Variants in DAG1 observed in about 807,000 individuals in gnomAD.
DAG1 encodes the protein dystroglycan 1.
A neutral mutation model predicts 46.1 loss-of-function variants in DAG1; 8 were observed. That is an observed-to-expected ratio of 0.17 (90% confidence interval 0.10 to 0.31). The LOEUF is 0.31. Ranked by LOEUF, DAG1 falls within the 10% of genes least tolerant of loss-of-function variation. The pLI is 1.00. For synonymous variants in DAG1, 495 were observed against 481.8 expected, an observed-to-expected ratio of 1.03 and a Z score of -0.36; for missense variants, 1,003 against 1,189.9, an observed-to-expected ratio of 0.84 and a Z score of 2.31.
At chr3:49,525,614 G>A (rs1326459503) in intron 2 of DAG1, among the ~76,000 whole-genome samples, 3 of 150,860 alleles carry the variant, frequency 2.0e-5, no homozygotes, top group South Asian at 2.1e-4. Flanking sequence ...CTGGAGTGCC[G>A]TGGCGTGATC....
At chr3:49,496,031 T>C (rs1037576258) in intron 1 of DAG1, among the ~76,000 whole-genome samples, 2 of 152,162 alleles carry the variant, frequency 1.3e-5, no homozygotes, top group Admixed American at 6.5e-5. Context: ...TTCAGTGTCT[T>C]ACCTGGGCAC....
At chr3:49,474,028 C>G (rs2049604886) in intron 1 of DAG1, among the ~76,000 whole-genome samples, 1 of 152,014 alleles carries the variant, frequency 6.6e-6, no homozygotes, top group African/African-American at 2.4e-5. Context: ...GCTAGGACCA[C>G]AGGCGCACGC....
chr3:49,533,115 C>T lies in DAG1; in HGVS notation c.2604C>T (p.Pro868=). ...PNAPPYQPPP[P]FTAPMEGKGS... Reference sequence around the variant, plus strand: ...CGCCTCCCTACCAGCCCCCACCGCCCTTCACAGCACCCATGGAGGGCAAGG... The same window carrying T: ...CGCCTCCCTACCAGCCCCCACCGCCTTTCACAGCACCCATGGAGGGCAAGG... Residue 868 remains proline (P), a synonymous_variant, in exon 3 of 3, where the codon CCC becomes CCT. Coordinates refer to ENST00000308775, the MANE Select transcript of DAG1 (RefSeq NM_004393.6). The T allele has an allele frequency of 3.7e-6, 6 of 1,614,226 alleles. No individual in the cohort carries two copies. The highest frequency in any genetic ancestry group is 5.1e-6 in the Non-Finnish European group (6 of 1,180,048).
intron 1 of DAG1, among the ~76,000 whole-genome samples, chr3:49,495,125 C>G (rs1310551629): frequency 3.3e-5 from 5 of 152,142 alleles, no homozygotes; most frequent in Non-Finnish European, 4.4e-5. Flanking sequence ...GCCTTGACCC[C>G]CAGTAGACAC....
chr3:49,492,185 A>G (rs926143321), intron 1 of DAG1, among the ~76,000 whole-genome samples: 5 of 152,052 alleles, frequency 3.3e-5, no homozygotes, highest in African/African-American at 1.2e-4. Context: ...TTGGCCTCCT[A>G]AAGTGCTGGG....
intron 2 of DAG1, among the ~76,000 whole-genome samples, chr3:49,513,050 CAG>C (rs763297206): frequency 6.6e-6 from 1 of 152,168 alleles, no homozygotes; most frequent in East Asian, 1.9e-4. Flanking sequence ...ACCACCAAAA[CAG>C]TGGTTTAACT....
chr3:49,505,672 G>A (rs1164436757), intron 1 of DAG1, among the ~76,000 whole-genome samples: 1 of 151,804 alleles, frequency 6.6e-6, no homozygotes, highest in Non-Finnish European at 1.5e-5. Context: ...CAATCTGTAT[G>A]CCAAACTTTT....
chr3:49,497,891 C>CT (rs773970038), intron 1 of DAG1, among the ~76,000 whole-genome samples: 26 of 152,208 alleles, frequency 1.7e-4, no homozygotes, highest in Non-Finnish European at 3.5e-4. Context: ...ATGTCTGCAC[C>CT]TGGGTGGATT....
In DAG1 at chr3:49,532,026, G is replaced by A. The variant is rs745750913; in HGVS notation, c.1515G>A (p.Arg505=). 2.5e-6 allele frequency: 4 copies of A among 1,614,126 alleles called. No homozygotes were observed. In the South Asian group the frequency reaches 4.4e-5, roughly 18 times the overall value. Residue 505 remains arginine, a synonymous_variant, in exon 3 of 3, where the codon AGG becomes AGA. Transcript: ENST00000308775. This position sits in a 1 kb window ranked among gnomAD's most constrained non-coding sequence, Gnocchi z 5.4. ...QRPELKNHID[R]VDAWVGTYFE... ...CAGAGCTCAAGAACCATATTGACAG[G>A]GTAGATGCCTGGGTTGGCACCTACT...
At chr3:49,474,897 C>T (rs1274158669) in intron 1 of DAG1, among the ~76,000 whole-genome samples, 4 of 151,712 alleles carry the variant, frequency 2.6e-5, no homozygotes, top group Admixed American at 6.6e-5. Context: ...CTGCAAGCTC[C>T]GCCTCCCAGG....
At chr3:49,488,568 C>T (rs368823877) in intron 1 of DAG1, 39 of 152,066 alleles carry the variant, frequency 2.6e-4, no homozygotes, top group African/African-American at 8.9e-4. Context: ...GGGCTGAGGT[C>T]TCTCAGTTCT....
At chr3:49,515,632 T>C (rs893389698) in intron 2 of DAG1, among the ~76,000 whole-genome samples, 1 of 151,966 alleles carries the variant, frequency 6.6e-6, no homozygotes, top group Non-Finnish European at 1.5e-5. Context: ...GTGATCCTAC[T>C]GCCTCAGCCT....
chr3:49,519,771 G>A (rs2050982320), intron 2 of DAG1, among the ~76,000 whole-genome samples: 1 of 152,150 alleles, frequency 6.6e-6, no homozygotes. Context: ...AAGAGAACAT[G>A]ACAAAGTAAA....
chr3:49,502,856 C>G (rs1444387114), intron 1 of DAG1, among the ~76,000 whole-genome samples: 1 of 152,100 alleles, frequency 6.6e-6, no homozygotes, highest in African/African-American at 2.4e-5. Flanking sequence ...CCAGGCTGGT[C>G]TCGAACTTCT....
intron 1 of DAG1, among the ~76,000 whole-genome samples, chr3:49,491,004 A>G (rs1306040982): frequency 2.7e-5 from 4 of 149,336 alleles, no homozygotes; most frequent in Non-Finnish European, 4.4e-5. Context: ...TCCTGCCACA[A>G]TCTCCCTGAG....
intron 1 of DAG1, among the ~76,000 whole-genome samples, chr3:49,486,619 C>A (rs908345807): frequency 3.9e-5 from 6 of 152,102 alleles, no homozygotes; most frequent in Admixed American, 3.9e-4. Flanking sequence ...TCTCCTAACT[C>A]AGCCTCCCAA....
Position 49,504,567 on chromosome 3 carries a change from CTTTTTTTTTTTTTTTTTTTTTTTTT to C in DAG1, c.-116-5837_-116-5813del, listed in dbSNP as rs55662849. ...GTATCTGTCCCTCCACCAATACAGT[CTTTTTTTTTTTTTTTTTTTTTTTTT>C]TTTTTTTTTTTTTTGACAGAGTCTC... On this transcript the variant is annotated intron_variant, in intron 1 of 2. Transcript: ENST00000308775. Among the ~76,000 whole-genome samples, 12 of 49,756 alleles carry C rather than the reference CTTTTTTTTTTTTTTTTTTTTTTTTT, an allele frequency of 2.4e-4. No individual in the cohort carries two copies. In the South Asian group the frequency reaches 3.1e-3, roughly 13 times the overall value. 32.6% of individuals were successfully genotyped at this position (49,756 alleles called of 152,430 possible).
In DAG1 at chr3:49,532,829, TCTG is replaced by T; in HGVS notation, c.2321_2323del (p.Cys774del). The T allele has an allele frequency of 6.2e-7, 1 of 1,614,104 alleles. No homozygotes were observed. Among genetic ancestry groups the T allele is most frequent in the Non-Finnish European group, 8.5e-7 (1 of 1,180,020 alleles). ...CTCATTGCTGGCATCATTGCCATGA[TCTG>T]CTACCGCAAGAAGCGGAAGGGCAAG... is the stretch of plus-strand genomic sequence containing the variant. On this transcript the variant is annotated inframe_deletion, in exon 3 of 3. Transcript: ENST00000308775. This position sits in a 1 kb window ranked among gnomAD's most constrained non-coding sequence, Gnocchi z 5.4.
At chr3:49,495,969 T>A (rs2050300675) in intron 1 of DAG1, among the ~76,000 whole-genome samples, 1 of 151,592 alleles carries the variant, frequency 6.6e-6, no homozygotes, top group Non-Finnish European at 1.5e-5. Flanking sequence ...AAACCCCAAA[T>A]GGATGGTTTG....
Sources: gnomAD v4.1 joint callset for allele counts (sites outside exome capture counted in the v4.1 genomes callset) on GRCh38, gnomAD v4.1.1 for gene constraint, Gnocchi (gnomAD v3.1) non-coding constraint, MANE v1.5 for transcripts, NCBI Gene and HGNC (gene_info 2026-07-23, HGNC 2026-07-21) for gene names.